Variants in RCOR3 observed in about 807,000 individuals in gnomAD.
RCOR3 encodes REST corepressor 3.
In RCOR3, 13 loss-of-function variants were observed where a neutral mutation model predicts 64.1. The observed-to-expected ratio is 0.20, with a 90% CI of 0.13 to 0.32. The LOEUF (loss-of-function observed/expected upper bound fraction) is 0.32. Ranked by LOEUF, RCOR3 falls within the 10% of genes least tolerant of loss-of-function variation. The pLI, the probability that RCOR3 is intolerant of heterozygous loss-of-function variation, is 1.00. For missense variants in RCOR3, 489 were observed against 701.2 expected (o/e 0.70, Z 3.42); for synonymous variants, 215 against 239.0 (o/e 0.90, Z 0.93).
Position 211,259,627 on chromosome 1 carries a change from A to C in RCOR3, c.67A>C (p.Lys23Gln). Reference sequence around the variant, plus strand: ...GAACCGATCGGCCAACGGCAGCGCCAAGAGCCCGGCAGGCGGCGGCGGCAG... The same window carrying C: ...GAACCGATCGGCCAACGGCAGCGCCCAGAGCCCGGCAGGCGGCGGCGGCAG... The part of the protein sequence containing the change: ...GKNRSANGSA[K>Q]SPAGGGGSGA... Residue 23 changes from lysine (K) to glutamine (Q), a missense_variant, in exon 1 of 12, where the codon AAG becomes CAG. Coordinates refer to ENST00000419091, the MANE Select transcript of RCOR3 (RefSeq NM_001136223.3). The C allele has an allele frequency of 6.5e-7, 1 of 1,546,834 alleles. No individual in the cohort carries two copies. The highest frequency in any genetic ancestry group is 2.5e-5 in the East Asian group (1 of 40,442).
intron 10 of RCOR3, among the ~76,000 whole-genome samples, chr1:211,311,999 G>A (rs1416419921): frequency 6.6e-6 from 1 of 151,882 alleles, no homozygotes; most frequent in Non-Finnish European, 1.5e-5. Flanking sequence ...TGCTCTTCAG[G>A]TAGTCATTAC....
At chr1:211,281,942 A>C (rs1269349936) in intron 7 of RCOR3, among the ~76,000 whole-genome samples, 1 of 152,160 alleles carries the variant, frequency 6.6e-6, no homozygotes, top group Non-Finnish European at 1.5e-5. Context: ...CCAGGGACTG[A>C]TGCATAGTAA....
At chr1:211,285,772 T>C (rs1571900829) in intron 7 of RCOR3, among the ~76,000 whole-genome samples, 1 of 152,246 alleles carries the variant, frequency 6.6e-6, no homozygotes, top group Non-Finnish European at 1.5e-5. Flanking sequence ...CTTGCCTACT[T>C]GATAGCTTGG....
At chr1:211,290,324 T>C (rs144680062) in intron 8 of RCOR3, among the ~76,000 whole-genome samples, 7 of 152,332 alleles carry the variant, frequency 4.6e-5, no homozygotes, top group African/African-American at 1.4e-4. Flanking sequence ...GTTTCCTGTC[T>C]GTTGAAACAT....
At chr1:211,299,606 C>T (rs144009693) in intron 9 of RCOR3, among the ~76,000 whole-genome samples, 1,893 of 151,760 alleles carry the variant, frequency 0.012, 14 homozygotes, top group Middle Eastern at 0.071. Context: ...CTACCACTCA[C>T]GAAAATGGGA....
rs997899396 is a variant in RCOR3 at position 211,313,337 on chromosome 1, G to A, written c.1318-87G>A. The A allele has an allele frequency of 6.7e-7, 1 of 1,494,570 alleles. No individual in the cohort carries two copies. Among genetic ancestry groups the A allele is most frequent in the Non-Finnish European group, 8.9e-7 (1 of 1,125,628 alleles). 92.6% of individuals were successfully genotyped at this position (1,494,570 alleles called of 1,614,324 possible). On this transcript the variant is annotated intron_variant, in intron 11 of 11. Coordinates refer to ENST00000419091, the MANE Select transcript of RCOR3 (RefSeq NM_001136223.3). This position sits in a 1 kb window ranked among gnomAD's most constrained non-coding sequence, Gnocchi z 4.7. Reference sequence around the variant, plus strand: ...TTTTTGTTTTGTTTTGATTTGTTTTGTTTTTCCTGTGACAGCCCAAACTAT... The same window carrying A: ...TTTTTGTTTTGTTTTGATTTGTTTTATTTTTCCTGTGACAGCCCAAACTAT...
At chr1:211,264,956 C>G (rs1039919845) in intron 2 of RCOR3, among the ~76,000 whole-genome samples, 1 of 152,156 alleles carries the variant, frequency 6.6e-6, no homozygotes, top group Non-Finnish European at 1.5e-5. Flanking sequence ...TGCCTTTAAT[C>G]TAATATGGCA....
chr1:211,290,208 A>G (rs192159027), intron 8 of RCOR3, among the ~76,000 whole-genome samples: 1 of 152,270 alleles, frequency 6.6e-6, no homozygotes, highest in African/African-American at 2.4e-5. Context: ...CCCTATACCT[A>G]TGCCAGTGAC....
intron 8 of RCOR3, among the ~76,000 whole-genome samples, chr1:211,294,640 A>G (rs1571948692): frequency 7.9e-6 from 1 of 126,028 alleles, no homozygotes; most frequent in African/African-American, 3.1e-5. Flanking sequence ...CCCAGGCTGG[A>G]GTGCAGCGGC....
chr1:211,262,032 A>AT (rs1558035836), intron 2 of RCOR3, among the ~76,000 whole-genome samples: 2 of 37,984 alleles, frequency 5.3e-5, no homozygotes, highest in African/African-American at 1.7e-4. Context: ...AGCTATAAAA[A>AT]CTTTTTTTTT....
At chr1:211,309,955 A>G (rs1235672156) in intron 10 of RCOR3, among the ~76,000 whole-genome samples, 2 of 152,184 alleles carry the variant, frequency 1.3e-5, no homozygotes, top group African/African-American at 4.8e-5. Flanking sequence ...CCATCTTCTA[A>G]CCAAAGTGCT....
In RCOR3 at chr1:211,259,587, C is replaced by G; in HGVS notation, c.27C>G (p.Pro9=). 2 of 1,548,580 alleles carry G rather than the reference C, an allele frequency of 1.3e-6. No individual in the cohort carries two copies. The highest frequency in any genetic ancestry group is 2.5e-5 in the East Asian group (1 of 40,660). Residue 9 remains proline (P), a synonymous_variant, in exon 1 of 12, where the codon CCC becomes CCG. Coordinates refer to ENST00000419091, the MANE Select transcript of RCOR3 (RefSeq NM_001136223.3). The part of the protein sequence containing the change: MPGMMEKG[P]ELLGKNRSAN... ...TGCCCGGCATGATGGAGAAAGGGCCCGAGTTACTGGGGAAGAACCGATCGG... is the reference window on the plus strand; with the variant it reads ...TGCCCGGCATGATGGAGAAAGGGCCGGAGTTACTGGGGAAGAACCGATCGG...
chr1:211,287,991 C>G (rs1427654000), intron 7 of RCOR3, among the ~76,000 whole-genome samples: 1 of 152,090 alleles, frequency 6.6e-6, no homozygotes, highest in African/African-American at 2.4e-5. Flanking sequence ...AGGCAGATCA[C>G]TTGAGTCTAG....
intron 7 of RCOR3, among the ~76,000 whole-genome samples, chr1:211,282,989 TTTG>T (rs1698033368): frequency 2.6e-5 from 4 of 152,358 alleles, no homozygotes; most frequent in African/African-American, 9.6e-5. Flanking sequence ...GTACTTGCCT[TTTG>T]TTATTATTTT....
chr1:211,259,913 C>T (rs1693898445), intron 1 of RCOR3, 187 bp downstream of exon 1: 1 of 878,188 alleles, frequency 1.1e-6, no homozygotes, highest in Non-Finnish European at 1.6e-6. Context: ...CTCGACCAAT[C>T]CTCCGCCTTT....
Position 211,313,275 on chromosome 1 carries a change from A to G in RCOR3, c.1318-149A>G. 1 of 1,435,460 alleles carries G rather than the reference A, an allele frequency of 7.0e-7. No homozygotes were observed. Among genetic ancestry groups the G allele is most frequent in the Non-Finnish European group, 9.1e-7 (1 of 1,099,922 alleles). 88.9% of individuals were successfully genotyped at this position (1,435,460 alleles called of 1,614,324 possible). A position where few individuals can be genotyped will look rare whatever the true frequency, so the allele number is the denominator to read the frequency against. ...TTTTGGTTTTGTTTTGTTTAAAATA[A>G]AAGAAGCTTGTGCTTCCAATAAACA... On this transcript the variant is annotated intron_variant, in intron 11 of 11. Transcript: ENST00000419091. The surrounding 1 kb of genome is among the most constrained non-coding windows in gnomAD (Gnocchi z 4.7).
intron 7 of RCOR3, among the ~76,000 whole-genome samples, chr1:211,288,556 TTTTA>T (rs1332844203): frequency 1.4e-5 from 2 of 147,080 alleles, no homozygotes; most frequent in East Asian, 1.9e-4. Flanking sequence ...TTTATAAATA[TTTTA>T]TTTATATTTT....
intron 4 of RCOR3, 38 bp downstream of exon 4, chr1:211,274,300 A>G (rs753891203): frequency 2.9e-6 from 4 of 1,361,532 alleles, no homozygotes; most frequent in Non-Finnish European, 4.2e-6. Flanking sequence ...GGCTTGTCCC[A>G]ATATTTACCA....
chr1:211,259,773 TCTTCCCCTCCCC>T, intron 1 of RCOR3, 47 bp downstream of exon 1: 1 of 928,474 alleles, frequency 1.1e-6, no homozygotes, highest in Non-Finnish European at 1.3e-6. Context: ...CCCCCCTCCC[TCTTCCCCTCCCC>T]CAGCCCCCTC....
Sources: allele counts gnomAD v4.1 joint callset (sites outside exome capture counted in the v4.1 genomes callset), GRCh38; gene constraint gnomAD v4.1.1; non-coding constraint Gnocchi (gnomAD v3.1); transcripts MANE v1.5; gene names NCBI Gene and HGNC (gene_info 2026-07-23, HGNC 2026-07-21).